The following RNFT1 variants were observed in gnomAD, a reference collection of about 807,000 sequenced individuals.
The protein encoded by RNFT1 is E3 ubiquitin-protein ligase RNFT1.
In RNFT1, 35 loss-of-function variants were observed where a neutral mutation model predicts 53.2. That is an observed-to-expected ratio of 0.66 (90% confidence interval 0.50 to 0.87). The LOEUF (loss-of-function observed/expected upper bound fraction) is 0.87. Among genes scored for constraint, RNFT1 ranks in the 40% least tolerant of loss-of-function variants. The pLI, the probability that RNFT1 is intolerant of heterozygous loss-of-function variation, is 0.00. For synonymous variants in RNFT1, 141 were observed against 172.8 expected, an observed-to-expected ratio of 0.82 and a Z score of 1.44; for missense variants, 421 against 515.0, an observed-to-expected ratio of 0.82 and a Z score of 1.77.
chr17:59,957,218 A>G lies in RNFT1; in HGVS notation c.1005+6T>C. On this transcript the variant is annotated splice_donor_region_variant and intron_variant, in intron 6 of 8. Coordinates refer to ENST00000305783, the MANE Select transcript of RNFT1 (RefSeq NM_016125.4). ...ATGCAGTGACAAGATTTGTAATGTTACCTACTTTTAATATGAGGTAGAGTA... is the reference window on the plus strand; with the variant it reads ...ATGCAGTGACAAGATTTGTAATGTTGCCTACTTTTAATATGAGGTAGAGTA... The G allele has an allele frequency of 6.2e-7, 1 of 1,610,066 alleles. No individual in the cohort carries two copies. The highest frequency in any genetic ancestry group is 8.5e-7 in the Non-Finnish European group (1 of 1,178,408).
At chr17:59,957,045 C>T (rs1443873314) in intron 6 of RNFT1, among the ~76,000 whole-genome samples, 179 bp downstream of exon 6, 3 of 152,096 alleles carry the variant, frequency 2.0e-5, no homozygotes, top group South Asian at 2.1e-4. Context: ...ACCTGAGGAC[C>T]GCTGGATTAA....
chr17:59,963,136 C>T lies in RNFT1; in HGVS notation c.205G>A (p.Gly69Arg), dbSNP rs778998844. 1.4e-5 allele frequency: 22 copies of T among 1,614,106 alleles called. No individual in the cohort carries two copies. Among genetic ancestry groups the T allele is most frequent in the Non-Finnish European group, 1.8e-5 (21 of 1,180,060 alleles). The change falls in exon 2 of 9, where the codon GGA (glycine) becomes AGA (arginine). Residue 69 changes from glycine (G) to arginine (R), a missense_variant. Coordinates refer to ENST00000305783, the MANE Select transcript of RNFT1 (RefSeq NM_016125.4). ...TPQCVHTRLT[G>R]EGSCPHSGDV... ...CCAGAATGAGGGCAAGAACCCTCTC[C>T]TGTCAATCTTGTGTGGACACACTGA...
chr17:59,958,737 TG>T (rs1451772864), intron 4 of RNFT1: 2 of 466,514 alleles, frequency 4.3e-6, no homozygotes, highest in Non-Finnish European at 8.3e-6. Context: ...ACCAGACATC[TG>T]CTGTGTTTTT....
chr17:59,964,699 C>G lies in RNFT1; in HGVS notation c.-36G>C. ...CAGCCCTTCAGTCGGGGCCATCAAC[C>G]GCAAACCCCGCAAGCTCTTCTCTCA... On this transcript the variant is annotated 5_prime_UTR_variant, in exon 1 of 9. Transcript: ENST00000305783. 6.4e-7 allele frequency: 1 copy of G among 1,571,568 alleles called. No homozygotes were observed. The highest frequency in any genetic ancestry group is 8.6e-7 in the Non-Finnish European group (1 of 1,158,258).
rs554564429 is a variant in RNFT1 at position 59,961,046 on chromosome 17, T to C, written c.592-878A>G. On this transcript the variant is annotated intron_variant, in intron 3 of 8. Coordinates refer to ENST00000305783, the MANE Select transcript of RNFT1 (RefSeq NM_016125.4). ...GTTGTAATCTCCCTTTTTTTTTTTT[T>C]ACTTTTTTGAGACTGGGTCTCACTC... Among the ~76,000 whole-genome samples, 52 of 150,932 alleles carry C rather than the reference T, an allele frequency of 3.4e-4. 1 individual carries two copies. The South Asian group carries it at 0.01, about 30-fold the overall frequency.
intron 5 of RNFT1, 57 bp downstream of exon 5, chr17:59,958,234 A>T: frequency 6.7e-7 from 1 of 1,483,002 alleles, no homozygotes; most frequent in South Asian, 1.3e-5. Flanking sequence ...CAAAGACTAA[A>T]TAGCATTAAT....
chr17:59,960,288 A>T (rs2045280470), intron 3 of RNFT1, 120 bp from the exon 4 acceptor site: 1 of 1,115,360 alleles, frequency 9.0e-7, no homozygotes, highest in Admixed American at 3.0e-5. Flanking sequence ...AATATAGAAT[A>T]TGTTAAACTG....
intron 5 of RNFT1, among the ~76,000 whole-genome samples, chr17:59,958,066 A>AT (rs1372404092): frequency 2.0e-5 from 3 of 152,210 alleles, no homozygotes; most frequent in African/African-American, 7.2e-5. Context: ...GTGGGGACTG[A>AT]TTTTAAAATT....
chr17:59,953,948 AT>A (rs774062610), intron 8 of RNFT1, 96 bp downstream of exon 8: 124,287 of 563,246 alleles, frequency 0.22, no homozygotes, highest in South Asian at 0.28. Flanking sequence ...TAAACACTAG[AT>A]TTTTTTTTTT....
rs1358596989 is a variant in RNFT1, at chr17:59,963,108, T to A, written c.233A>T (p.Asp78Val). Residue 78 changes from aspartate to valine, a missense_variant, in exon 2 of 9, where the codon GAT becomes GTT. Asp to Val is a radical substitution (Grantham distance 152). Coordinates refer to ENST00000305783, the MANE Select transcript of RNFT1 (RefSeq NM_016125.4). The stretch of plus-strand genomic sequence containing the variant: ...TATGGAGTTTATCTGGATATGAACA[T>A]CTCCAGAATGAGGGCAAGAACCCTC... ...TGEGSCPHSG[D>V]VHIQINSIPK... The A allele has an allele frequency of 6.2e-7, 1 of 1,614,064 alleles. No homozygotes were observed. Among genetic ancestry groups the A allele is most frequent in the Non-Finnish European group, 8.5e-7 (1 of 1,180,036 alleles).
At chr17:59,961,623 C>T (rs1335317924) in intron 3 of RNFT1, among the ~76,000 whole-genome samples, 1 of 151,908 alleles carries the variant, frequency 6.6e-6, no homozygotes, top group Non-Finnish European at 1.5e-5. Context: ...TGTCGCCAGG[C>T]TGGAGTGCAG....
intron 7 of RNFT1, among the ~76,000 whole-genome samples, chr17:59,955,138 T>C (rs549942368): frequency 3.3e-4 from 50 of 152,318 alleles, no homozygotes; most frequent in Admixed American, 1.6e-3. Context: ...CTAAACTTCT[T>C]GTACTAAAAC....
chr17:59,959,376 C>T (rs7221472), intron 4 of RNFT1: 25,430 of 152,156 alleles, frequency 0.17, 2,461 homozygotes, highest in East Asian at 0.39. Context: ...CCAGTGAAAC[C>T]AGGTCTTCTA....
At chr17:59,956,875 G>A (rs1290767838) in intron 6 of RNFT1, among the ~76,000 whole-genome samples, 3 of 152,158 alleles carry the variant, frequency 2.0e-5, no homozygotes, top group Non-Finnish European at 2.9e-5. Flanking sequence ...TTAGGTTGAG[G>A]GGTGCAGGCA....
At chr17:59,957,471 T>G in intron 5 of RNFT1, 89 bp from the exon 6 acceptor site, 1 of 788,150 alleles carries the variant, frequency 1.3e-6, no homozygotes, top group Non-Finnish European at 1.9e-6. Flanking sequence ...CTGAGTATAT[T>G]ATACAATAAT....
At chr17:59,953,793 G>A (rs1376828790) in intron 8 of RNFT1, among the ~76,000 whole-genome samples, 2 of 152,102 alleles carry the variant, frequency 1.3e-5, no homozygotes, top group East Asian at 3.9e-4. Context: ...TTATAAAATA[G>A]CCTGTTTTTT....
At chr17:59,962,132 G>A (rs1433949724) in intron 3 of RNFT1, among the ~76,000 whole-genome samples, 2 of 151,846 alleles carry the variant, frequency 1.3e-5, no homozygotes, top group African/African-American at 2.4e-5. Flanking sequence ...TGATCTGCCC[G>A]CCTCGGCCTC....
rs1206016807 is a variant in RNFT1, at chr17:59,963,211, G to A, written c.130C>T (p.Gln44Ter). ...CCAGTTCCTGGAGGACTGTGCAGTT[G>A]GCTACGATTGGCTTGCATGGCCCTT... ...YLRAMQANRS[Q>*]LHSPPGTGSS... Residue 44 changes from glutamine (Q) to a stop codon, truncating the protein, a stop_gained, in exon 2 of 9, where the codon CAA becomes TAA. Coordinates refer to ENST00000305783, the MANE Select transcript of RNFT1 (RefSeq NM_016125.4). LOFTEE classifies it high-confidence loss of function. The A allele has an allele frequency of 6.2e-7, 1 of 1,614,096 alleles. No homozygotes were observed. Among genetic ancestry groups the A allele is most frequent in the African/African-American group, 1.3e-5 (1 of 75,036 alleles).
chr17:59,953,929 A>G, intron 8 of RNFT1, 116 bp downstream of exon 8: 2 of 621,298 alleles, frequency 3.2e-6, no homozygotes, highest in South Asian at 2.3e-5. Flanking sequence ...CCTGAATGCT[A>G]CCTTCCACTA....
Sources: allele counts gnomAD v4.1 joint callset (sites outside exome capture counted in the v4.1 genomes callset), GRCh38; gene constraint gnomAD v4.1.1; transcripts MANE v1.5; gene names NCBI Gene and HGNC (gene_info 2026-07-23, HGNC 2026-07-21).